MECOM: variants seen among roughly 807,000 people sequenced by gnomAD.
MECOM encodes MDS1 and EVI1 complex locus.
A neutral mutation model predicts 116.3 loss-of-function variants in MECOM; 13 were observed. The observed-to-expected ratio is 0.11, with a 90% CI of 0.07 to 0.18. The LOEUF (loss-of-function observed/expected upper bound fraction) is 0.18, where lower values mean the gene tolerates loss of function less well. Ranked by LOEUF, MECOM falls within the 10% of genes least tolerant of loss-of-function variation. The pLI is 1.00. For missense variants in MECOM, 1,299 were observed against 1,509.0 expected, an observed-to-expected ratio of 0.86 and a Z score of 2.31; for synonymous variants, 528 against 535.2, an observed-to-expected ratio of 0.99 and a Z score of 0.19.
chr3:169,636,636 G>A (rs553157743), intron 1 of MECOM, among the ~76,000 whole-genome samples: 5 of 152,258 alleles, frequency 3.3e-5, no homozygotes, highest in South Asian at 2.1e-4. Context: ...TCGAAGGTTC[G>A]TAATCCTGTC....
chr3:169,421,201 G>A (rs962325456), intron 1 of MECOM, among the ~76,000 whole-genome samples: 6 of 152,066 alleles, frequency 3.9e-5, no homozygotes, highest in Non-Finnish European at 5.9e-5. Context: ...AAGGCTAAAC[G>A]ATTAGGTTCT....
chr3:169,112,967 C>T, intron 8 of MECOM, 93 bp from the exon 9 acceptor site: 2 of 909,694 alleles, frequency 2.2e-6, no homozygotes, highest in Non-Finnish European at 3.5e-6. Flanking sequence ...ACAATAAAGT[C>T]AATGGTAGGT....
At chr3:169,488,717 A>G (rs903970411) in intron 1 of MECOM, among the ~76,000 whole-genome samples, 5 of 152,078 alleles carry the variant, frequency 3.3e-5, no homozygotes, top group Non-Finnish European at 7.4e-5. Flanking sequence ...TAAATAATAT[A>G]TGGGCCAAAA....
At chr3:169,517,796 G>C (rs978373767) in intron 1 of MECOM, among the ~76,000 whole-genome samples, 3 of 152,142 alleles carry the variant, frequency 2.0e-5, no homozygotes, top group African/African-American at 7.2e-5. Context: ...GTAGGTACTA[G>C]AGATTCAGTA....
In MECOM at chr3:169,224,466, C is replaced by T. The variant is rs79043328; in HGVS notation, c.376-80634G>A. ...CCATGGCTTCCTAGGGTTCTCAAAA[C>T]GCAGCCCCAACACTTTCCCAGGCCA... On this transcript the variant is annotated intron_variant, in intron 2 of 16. Transcript: ENST00000651503. Among the ~76,000 whole-genome samples, 1,023 of 152,214 alleles carry T rather than the reference C, an allele frequency of 6.7e-3. 16 individuals are homozygous for T. The highest frequency in any genetic ancestry group is 0.023 in the African/African-American group (966 of 41,516).
intron 2 of MECOM, among the ~76,000 whole-genome samples, chr3:169,262,664 G>A (rs576913264): frequency 2.0e-5 from 3 of 152,074 alleles, no homozygotes; most frequent in Non-Finnish European, 2.9e-5. Context: ...AGTGTCACAA[G>A]AAAACCTGGG....
intron 2 of MECOM, among the ~76,000 whole-genome samples, chr3:169,202,317 T>A (rs1186556453): frequency 2.6e-5 from 4 of 152,170 alleles, no homozygotes; most frequent in Non-Finnish European, 4.4e-5. Context: ...CCAGTGTTAT[T>A]AATGTAATTA....
At chr3:169,444,301 T>G (rs958368413) in intron 1 of MECOM, among the ~76,000 whole-genome samples, 7 of 152,200 alleles carry the variant, frequency 4.6e-5, no homozygotes, top group African/African-American at 1.7e-4. Flanking sequence ...TGAGCAACAC[T>G]GATATGGTTT....
chr3:169,473,915 G>A (rs1321368739), intron 1 of MECOM, among the ~76,000 whole-genome samples: 1 of 143,858 alleles, frequency 7.0e-6, no homozygotes, highest in Non-Finnish European at 1.5e-5. Flanking sequence ...TAGATAGATA[G>A]ATAGATAATT....
chr3:169,650,223 G>C (rs1774711935), intron 1 of MECOM, among the ~76,000 whole-genome samples: 1 of 152,184 alleles, frequency 6.6e-6, no homozygotes, highest in Non-Finnish European at 1.5e-5. Flanking sequence ...ATTACCCAGT[G>C]AAAAACATTT....
chr3:169,507,197 G>T (rs1200995068), intron 1 of MECOM, among the ~76,000 whole-genome samples: 1 of 152,200 alleles, frequency 6.6e-6, no homozygotes, highest in East Asian at 1.9e-4. Flanking sequence ...TGGTGCCTCT[G>T]AAAAGATCTG....
intron 1 of MECOM, among the ~76,000 whole-genome samples, chr3:169,546,860 TC>T (rs1252160364): frequency 6.6e-6 from 1 of 152,250 alleles, no homozygotes; most frequent in African/African-American, 2.4e-5. Flanking sequence ...CAAAGGGGGT[TC>T]CTAGAGCTAT....
At chr3:169,315,119 G>A (rs1560120945) in intron 2 of MECOM, among the ~76,000 whole-genome samples, 1 of 152,130 alleles carries the variant, frequency 6.6e-6, no homozygotes, top group South Asian at 2.1e-4. Context: ...TGCCACCCAC[G>A]CTGCTTTTGC....
chr3:169,425,412 C>G (rs1172628769), intron 1 of MECOM, among the ~76,000 whole-genome samples: 2 of 152,070 alleles, frequency 1.3e-5, no homozygotes, highest in African/African-American at 4.8e-5. Context: ...GTTGTTGATA[C>G]AAATCAAAAA....
Position 169,263,124 on chromosome 3 carries a change from TATA to T in MECOM, c.375+118060_375+118062del, listed in dbSNP as rs1560061181. ...ATATATATATATATATATATATATATATATGTTTTTTTTTTTTTTTTTGAGACA... is the reference window on the plus strand; with the variant it reads ...ATATATATATATATATATATATATATTGTTTTTTTTTTTTTTTTTGAGACA... On this transcript the variant is annotated intron_variant, in intron 2 of 16. Coordinates refer to ENST00000651503, the MANE Select transcript of MECOM (RefSeq NM_004991.4). 3.2e-3 allele frequency among the ~76,000 whole-genome samples: 195 copies of T among 60,918 alleles called. 8 individuals are homozygous for T. The highest frequency in any genetic ancestry group is 0.012 in the African/African-American group (129 of 10,646). 40.0% of individuals were successfully genotyped at this position (60,918 alleles called of 152,430 possible).
chr3:169,243,753 G>A (rs1755190989), intron 2 of MECOM, among the ~76,000 whole-genome samples: 1 of 152,090 alleles, frequency 6.6e-6, no homozygotes, highest in Non-Finnish European at 1.5e-5. Flanking sequence ...GGATTACTTC[G>A]AAACATACTC....
chr3:169,533,563 T>C (rs6806395), intron 1 of MECOM, among the ~76,000 whole-genome samples: 19,766 of 149,582 alleles, frequency 0.13, 3,416 homozygotes, highest in African/African-American at 0.41. Context: ...CTCTTATCAA[T>C]GACCCAGTGC....
intron 2 of MECOM, among the ~76,000 whole-genome samples, chr3:169,306,737 C>T (rs1277687102): frequency 6.6e-6 from 1 of 152,200 alleles, no homozygotes; most frequent in African/African-American, 2.4e-5. Flanking sequence ...GACTCTGAGA[C>T]ACCTCACTGT....
At chr3:169,321,523 A>G (rs1720854616) in intron 2 of MECOM, among the ~76,000 whole-genome samples, 1 of 151,834 alleles carries the variant, frequency 6.6e-6, no homozygotes, top group South Asian at 2.1e-4. Flanking sequence ...CCTGGGTGAC[A>G]GAGCGAGACT....
Sources: allele counts gnomAD v4.1 joint callset (sites outside exome capture counted in the v4.1 genomes callset), GRCh38; gene constraint gnomAD v4.1.1; transcripts MANE v1.5; gene names NCBI Gene and HGNC (gene_info 2026-07-23, HGNC 2026-07-21).